WDR35: variants seen among roughly 807,000 people sequenced by gnomAD.
WDR35 encodes WD repeat-containing protein 35.
A neutral mutation model predicts 158.3 loss-of-function variants in WDR35; 118 were observed. That is an observed-to-expected ratio of 0.75 (90% confidence interval 0.64 to 0.87). WDR35 has a LOEUF of 0.87. Ranked by LOEUF, WDR35 falls within the 40% of genes least tolerant of loss-of-function variation. WDR35 has a pLI of 0.00. For synonymous variants in WDR35, 448 were observed against 476.1 expected (o/e 0.94, Z 0.77); for missense variants, 1,263 against 1,405.8 (o/e 0.90, Z 1.62).
intron 8 of WDR35, among the ~76,000 whole-genome samples, chr2:19,972,349 G>T (rs915679068): frequency 6.6e-6 from 1 of 152,104 alleles, no homozygotes; most frequent in African/African-American, 2.4e-5. Flanking sequence ...ACATTGTTTT[G>T]CAAGACAAAC....
At position 19,914,262 on chromosome 2, in the gene WDR35, T is replaced by C. The variant is rs201513877; in HGVS notation, c.3137A>G (p.Asp1046Gly). 1.2e-6 allele frequency: 2 copies of C among 1,614,074 alleles called. No homozygotes were observed. The highest frequency in any genetic ancestry group is 2.7e-5 in the African/African-American group (2 of 74,954). ...TALKTALHLK[D>G]YEDIIPPVEI... Reference sequence around the variant, plus strand: ...CACAGGAGGGATGATGTCTTCATAGTCTTTCAGGTGAAGAGCTAAGAAAAA... The same window carrying C: ...CACAGGAGGGATGATGTCTTCATAGCCTTTCAGGTGAAGAGCTAAGAAAAA... Residue 1046 changes from aspartate (D) to glycine (G), a missense_variant, in exon 26 of 27, where the codon GAC becomes GGC. Coordinates refer to ENST00000281405, the MANE Select transcript of WDR35 (RefSeq NM_020779.4).
intron 3 of WDR35, 98 bp from the exon 4 acceptor site, chr2:19,980,881 G>T: frequency 1.9e-6 from 2 of 1,056,160 alleles, no homozygotes; most frequent in South Asian, 2.7e-5. Context: ...AATCAATATG[G>T]TTCCTGTACA....
In WDR35 at chr2:19,931,353, A is replaced by G. The variant is rs1218365755; in HGVS notation, c.2880T>C (p.Tyr960=). The G allele has an allele frequency of 6.2e-7, 1 of 1,613,496 alleles. No homozygotes were observed. Among genetic ancestry groups the G allele is most frequent in the Non-Finnish European group, 8.5e-7 (1 of 1,179,726 alleles). ...GSKPLRVKKL[Y]VLSALLIEQY... Reference sequence around the variant, plus strand: ...GCTCTATAAGTAAGGCTGACAGTACATAGAGCTTCTTGACACGTAAAGGTT... The same window carrying G: ...GCTCTATAAGTAAGGCTGACAGTACGTAGAGCTTCTTGACACGTAAAGGTT... The change falls in exon 24 of 27, where the codon TAT becomes TAC. Residue 960 remains tyrosine, a synonymous_variant. Coordinates refer to ENST00000281405, the MANE Select transcript of WDR35 (RefSeq NM_020779.4).
intron 4 of WDR35, 134 bp from the exon 5 acceptor site, chr2:19,979,013 A>C (rs1328127082): frequency 9.2e-7 from 1 of 1,089,974 alleles, no homozygotes; most frequent in African/African-American, 1.6e-5. Flanking sequence ...TGAGACATTA[A>C]ACTATAAAAC....
chr2:19,946,590 T>C lies in WDR35; in HGVS notation c.1525-20A>G, dbSNP rs1671062822. The C allele has an allele frequency of 6.3e-7, 1 of 1,595,012 alleles. No individual in the cohort carries two copies. ...ACGACCCTATGGAAATTACTTTTGA[T>C]TACTTAAGCATACGTGTATCATAAT... On this transcript the variant is annotated intron_variant, in intron 14 of 26. Transcript: ENST00000281405.
chr2:19,968,716 T>C (rs1053998458), intron 9 of WDR35, among the ~76,000 whole-genome samples: 17 of 152,180 alleles, frequency 1.1e-4, no homozygotes, highest in Admixed American at 7.2e-4. Context: ...CCTTTACCTT[T>C]TCAAAATTAA....
In WDR35 at chr2:19,931,347, CAGT is replaced by C; in HGVS notation, c.2883_2885del (p.Leu962del). On this transcript the variant is annotated inframe_deletion, in exon 24 of 27. Transcript: ENST00000281405. ...GGTATTGCTCTATAAGTAAGGCTGA[CAGT>C]ACATAGAGCTTCTTGACACGTAAAG... 6.2e-7 allele frequency: 1 copy of C among 1,613,380 alleles called. No individual in the cohort carries two copies. Among genetic ancestry groups the C allele is most frequent in the African/African-American group, 1.3e-5 (1 of 74,990 alleles).
intron 6 of WDR35, 146 bp from the exon 7 acceptor site, chr2:19,974,779 T>A: frequency 1.4e-6 from 1 of 696,606 alleles, no homozygotes; most frequent in East Asian, 3.0e-5. Flanking sequence ...CTTACTGGTA[T>A]ACAGGCCATG....
At position 19,934,024 on chromosome 2, in the gene WDR35, AACCACCACCACCACCACC is replaced by A. The variant is rs57759587; in HGVS notation, c.2548-531_2548-514del. On this transcript the variant is annotated intron_variant, in intron 21 of 26. Transcript: ENST00000281405. The surrounding 1 kb of genome is among the most constrained non-coding windows in gnomAD (Gnocchi z 4.6). ...TTGGAAAGTGGTGGCAGCGAGGAAG[AACCACCACCACCACCACC>A]ACCACCACCACCACCACCACCACCA... Among the ~76,000 whole-genome samples, 21 of 105,070 alleles carry A rather than the reference AACCACCACCACCACCACC, an allele frequency of 2.0e-4. No homozygotes were observed. The highest frequency in any genetic ancestry group is 5.4e-4 in the African/African-American group (13 of 24,134). The allele number at this position is 105,070 out of a possible 152,430, so 68.9% of individuals were successfully genotyped here.
At chr2:19,972,694 CT>C (rs1466442298) in intron 8 of WDR35, among the ~76,000 whole-genome samples, 1 of 151,898 alleles carries the variant, frequency 6.6e-6, no homozygotes, top group African/African-American at 2.4e-5. Context: ...GACATCATTT[CT>C]TGCCCTAAAA....
At chr2:19,961,167 A>G (rs971124620) in intron 10 of WDR35, among the ~76,000 whole-genome samples, 3 of 152,200 alleles carry the variant, frequency 2.0e-5, no homozygotes, top group Non-Finnish European at 4.4e-5. Flanking sequence ...TGAAATCATC[A>G]ATCCTTTATG....
rs200760434 is a variant in WDR35, at chr2:19,914,263, C to G, written c.3136G>C (p.Asp1046His). ...ACAGGAGGGATGATGTCTTCATAGT[C>G]TTTCAGGTGAAGAGCTAAGAAAAAC... The part of the protein sequence containing the change: ...TALKTALHLK[D>H]YEDIIPPVEI... The change falls in exon 26 of 27, where the codon GAC becomes CAC. Residue 1046 changes from aspartate (D) to histidine (H), a missense_variant. Asp to His is a moderately conservative substitution (Grantham distance 81, BLOSUM62 -1). Transcript: ENST00000281405. The G allele has an allele frequency of 5.6e-5, 90 of 1,613,996 alleles. No homozygotes were observed. The highest frequency in any genetic ancestry group is 1.6e-5 in the Non-Finnish European group (19 of 1,179,996).
chr2:19,953,286 T>C (rs1671308754), intron 12 of WDR35, among the ~76,000 whole-genome samples: 1 of 152,180 alleles, frequency 6.6e-6, no homozygotes, highest in South Asian at 2.1e-4. Flanking sequence ...CTATCTACTA[T>C]GTGGCAGAGC....
intron 16 of WDR35, among the ~76,000 whole-genome samples, chr2:19,943,645 T>G (rs1670945542): frequency 6.6e-6 from 1 of 151,996 alleles, no homozygotes; most frequent in African/African-American, 2.4e-5. Flanking sequence ...TGAGTCTGAT[T>G]GATGAAATTA....
chr2:19,959,982 G>C (rs1219434805), intron 11 of WDR35, among the ~76,000 whole-genome samples: 3 of 151,866 alleles, frequency 2.0e-5, no homozygotes, highest in Non-Finnish European at 2.9e-5. Flanking sequence ...ATAGTTATTG[G>C]GTAGAGGGAA....
intron 10 of WDR35, among the ~76,000 whole-genome samples, chr2:19,963,451 C>A (rs1344426873): frequency 1.3e-5 from 2 of 152,238 alleles, no homozygotes; most frequent in Middle Eastern, 3.4e-3. Flanking sequence ...GTATATCTTG[C>A]TGCAAGGGCT....
chr2:19,934,478 T>C lies in WDR35; in HGVS notation c.2548-967A>G, dbSNP rs1246209339. Among the ~76,000 whole-genome samples, 1 of 152,028 alleles carries C rather than the reference T, an allele frequency of 6.6e-6. No individual in the cohort carries two copies. Among genetic ancestry groups the C allele is most frequent in the African/African-American group, 2.4e-5 (1 of 41,452 alleles). Reference sequence around the variant, plus strand: ...ATATTATGTACACCTTCCCATATTATTAAAAATTCTTCTATAACTCTATTT... The same window carrying C: ...ATATTATGTACACCTTCCCATATTACTAAAAATTCTTCTATAACTCTATTT... On this transcript the variant is annotated intron_variant, in intron 21 of 26. Coordinates refer to ENST00000281405, the MANE Select transcript of WDR35 (RefSeq NM_020779.4). The surrounding 1 kb of genome is among the most constrained non-coding windows in gnomAD (Gnocchi z 4.6).
intron 19 of WDR35, among the ~76,000 whole-genome samples, 157 bp from the exon 20 acceptor site, chr2:19,936,522 G>C (rs141389995): frequency 6.6e-6 from 1 of 152,308 alleles, no homozygotes; most frequent in East Asian, 1.9e-4. Flanking sequence ...CTAGCTAAGA[G>C]GAAATGAGGA....
intron 4 of WDR35, among the ~76,000 whole-genome samples, chr2:19,979,278 A>C (rs1672310340): frequency 6.6e-6 from 1 of 152,214 alleles, no homozygotes; most frequent in Non-Finnish European, 1.5e-5. Flanking sequence ...AAAAAACTCC[A>C]AGTAACAATA....
Sources: gnomAD v4.1 joint callset for allele counts (sites outside exome capture counted in the v4.1 genomes callset) on GRCh38, gnomAD v4.1.1 for gene constraint, Gnocchi (gnomAD v3.1) non-coding constraint, MANE v1.5 for transcripts, NCBI Gene and HGNC (gene_info 2026-07-23, HGNC 2026-07-21) for gene names.